The following SHC3 variants were observed in gnomAD, a reference collection of about 807,000 sequenced individuals.
SHC3 encodes SHC-transforming protein 3.
Under a neutral mutation model 60.4 loss-of-function variants are expected in SHC3, and 15 were observed. That is an observed-to-expected ratio of 0.25 (90% CI 0.17 to 0.38). The LOEUF is 0.38. SHC3 is among the 10% of genes least tolerant of loss of function. SHC3 has a pLI of 1.00. For synonymous variants in SHC3, 294 were observed against 325.9 expected, an observed-to-expected ratio of 0.90 and a Z score of 1.05; for missense variants, 677 against 786.1, an observed-to-expected ratio of 0.86 and a Z score of 1.66.
chr9:89,059,525 GAGGACAGTGGTGT>G, intron 6 of SHC3, among the ~76,000 whole-genome samples: 1 of 150,056 alleles, frequency 6.7e-6, no homozygotes, highest in East Asian at 2.0e-4. Context: ...GGATGTGGTG[GAGGACAGTGGTGT>G]AGGATGTGGT....
intron 2 of SHC3, among the ~76,000 whole-genome samples, chr9:89,111,792 G>A: frequency 6.6e-6 from 1 of 152,190 alleles, no homozygotes; most frequent in East Asian, 1.9e-4. Flanking sequence ...GTAAATATGA[G>A]GCATTTTTCT....
intron 1 of SHC3, among the ~76,000 whole-genome samples, chr9:89,163,227 A>G (rs1826736731): frequency 6.6e-6 from 1 of 152,052 alleles, no homozygotes; most frequent in South Asian, 2.1e-4. Flanking sequence ...CATTTGACCC[A>G]GCCATCCCAT....
In SHC3 at chr9:89,010,319, CGGTT is replaced by C. The variant is rs1825998855; in HGVS notation, c.*3124_*3127del. 2.0e-5 allele frequency: 3 copies of C among 152,270 alleles called. No individual in the cohort carries two copies. The South Asian group carries it at 6.2e-4, about 32-fold the overall frequency. The allele number at this position is 152,270 out of a possible 1,614,324, so 9.4% of individuals were successfully genotyped here. A position where few individuals can be genotyped will look rare whatever the true frequency, so the allele number is the denominator to read the frequency against. On this transcript the variant is annotated 3_prime_UTR_variant, in exon 12 of 12. Coordinates refer to ENST00000375835, the MANE Select transcript of SHC3 (RefSeq NM_016848.6). ...TTTTTCACCTCCCCACCCGATTCTC[CGGTT>C]AGCTACTCAGAGGCAGCCTTGGAGG...
Position 89,077,760 on chromosome 9 carries a change from C to T in SHC3, c.609+80G>A, listed in dbSNP as rs540246828. ...CACAGAAAGAGGACAATGAATAATTCTGTGTGACTGAAGATACCGAGTGGC... is the reference window on the plus strand; with the variant it reads ...CACAGAAAGAGGACAATGAATAATTTTGTGTGACTGAAGATACCGAGTGGC... On this transcript the variant is annotated intron_variant, in intron 3 of 11. Coordinates refer to ENST00000375835, the MANE Select transcript of SHC3 (RefSeq NM_016848.6). 67 of 1,519,654 alleles carry T rather than the reference C, an allele frequency of 4.4e-5. No individual in the cohort carries two copies. The South Asian group carries it at 5.9e-4, about 13-fold the overall frequency. The allele number at this position is 1,519,654 out of a possible 1,614,324, so 94.1% of individuals were successfully genotyped here.
chr9:89,142,795 T>C, intron 1 of SHC3, among the ~76,000 whole-genome samples: 1 of 152,058 alleles, frequency 6.6e-6, no homozygotes, highest in South Asian at 2.1e-4. Context: ...TGCACACCAC[T>C]TGCCCAAAGT....
In SHC3 at chr9:89,178,079, G is replaced by A; in HGVS notation, c.382C>T (p.Arg128Trp). The A allele has an allele frequency of 8.4e-7, 1 of 1,192,910 alleles. No individual in the cohort carries two copies. Among genetic ancestry groups the A allele is most frequent in the Non-Finnish European group, 1.0e-6 (1 of 963,282 alleles). The allele number at this position is 1,192,910 out of a possible 1,614,324, so 73.9% of individuals were successfully genotyped here. A position where few individuals can be genotyped will look rare whatever the true frequency, so the allele number is the denominator to read the frequency against. The change falls in exon 1 of 12, where the codon CGG becomes TGG. Residue 128 changes from arginine (R) to tryptophan (W), a missense_variant. Physicochemically the swap from Arg to Trp is moderately radical, Grantham distance 101 (BLOSUM62 -3). Transcript: ENST00000375835. The surrounding 1 kb of genome is among the most constrained non-coding windows in gnomAD (Gnocchi z 6.9). ...CTGGGCAGCGGCTCGTCGCCGGGCC[G>A]GCCCTTCCTGGCGGCGCTCATGGCC... ...APAMSAARKG[R>W]PGDEPLPRPP...
At chr9:89,114,433 T>G (rs1170931075) in intron 1 of SHC3, among the ~76,000 whole-genome samples, 2 of 149,880 alleles carry the variant, frequency 1.3e-5, no homozygotes, top group African/African-American at 4.9e-5. Flanking sequence ...GGATTGAAAA[T>G]AGAAAAAAAA....
At chr9:89,028,728 T>C (rs939016259) in intron 11 of SHC3, among the ~76,000 whole-genome samples, 6 of 144,570 alleles carry the variant, frequency 4.2e-5, no homozygotes, top group Admixed American at 1.4e-4. Flanking sequence ...ATAGAGAATA[T>C]ATATTCTCTA....
At chr9:89,035,867 GTGTGT>G (rs1824570685) in intron 11 of SHC3, among the ~76,000 whole-genome samples, 1 of 125,392 alleles carries the variant, frequency 8.0e-6, no homozygotes, top group Non-Finnish European at 1.8e-5. Context: ...GTGTGTGTGT[GTGTGT>G]GTGTGTGTGT....
chr9:89,154,558 T>C (rs990078817), intron 1 of SHC3, among the ~76,000 whole-genome samples: 15 of 152,236 alleles, frequency 9.9e-5, no homozygotes, highest in African/African-American at 3.6e-4. Flanking sequence ...ATACATTACA[T>C]CAGGCAAGAA....
intron 5 of SHC3, among the ~76,000 whole-genome samples, chr9:89,070,800 T>C (rs576348502): frequency 6.6e-6 from 1 of 152,246 alleles, no homozygotes; most frequent in Non-Finnish European, 1.5e-5. Context: ...TAAAGCAGAC[T>C]AAGAAAATTC....
At chr9:89,031,887 A>G (rs1252857715) in intron 11 of SHC3, among the ~76,000 whole-genome samples, 4 of 152,198 alleles carry the variant, frequency 2.6e-5, no homozygotes, top group Non-Finnish European at 5.9e-5. Context: ...AGCATTTCTC[A>G]GCTTCCTTGG....
chr9:89,048,571 C>T (rs570850767), intron 7 of SHC3, among the ~76,000 whole-genome samples: 3 of 152,116 alleles, frequency 2.0e-5, no homozygotes, highest in East Asian at 1.9e-4. Flanking sequence ...GTAATGAAAA[C>T]GTTCTGGAAT....
At chr9:89,053,933 C>G (rs13298779) in intron 6 of SHC3, among the ~76,000 whole-genome samples, 1 of 152,136 alleles carries the variant, frequency 6.6e-6, no homozygotes, top group African/African-American at 2.4e-5. Flanking sequence ...CCACGCCCCT[C>G]CCGGCCCTGC....
intron 2 of SHC3, chr9:89,110,557 A>G: frequency 2.7e-6 from 2 of 732,840 alleles, no homozygotes; most frequent in Non-Finnish European, 3.3e-6. Flanking sequence ...AACTGGATGC[A>G]AAGTGCTTCA....
At chr9:89,065,054 C>T (rs1230378295) in intron 6 of SHC3, among the ~76,000 whole-genome samples, 1 of 152,118 alleles carries the variant, frequency 6.6e-6, no homozygotes, top group Non-Finnish European at 1.5e-5. Flanking sequence ...AAATGACTCC[C>T]CCCATCCAGC....
chr9:89,026,060 A>G (rs544325455), intron 11 of SHC3, among the ~76,000 whole-genome samples: 116 of 152,282 alleles, frequency 7.6e-4, no homozygotes, highest in African/African-American at 2.6e-3. Flanking sequence ...CCTGGCCAAC[A>G]TGGTGAAACC....
intron 2 of SHC3, among the ~76,000 whole-genome samples, chr9:89,078,333 T>G (rs1825394031): frequency 6.6e-6 from 1 of 152,182 alleles, no homozygotes; most frequent in South Asian, 2.1e-4. Context: ...AGATCCTTCT[T>G]AAGTGAGTTA....
At chr9:89,141,286 A>G (rs186503543) in intron 1 of SHC3, among the ~76,000 whole-genome samples, 1 of 152,352 alleles carries the variant, frequency 6.6e-6, no homozygotes, top group African/African-American at 2.4e-5. Flanking sequence ...TGTCTTGAAC[A>G]GCGAGCTTGT....
Sources: gnomAD v4.1 joint callset for allele counts (sites outside exome capture counted in the v4.1 genomes callset) on GRCh38, gnomAD v4.1.1 for gene constraint, Gnocchi (gnomAD v3.1) non-coding constraint, MANE v1.5 for transcripts, NCBI Gene and HGNC (gene_info 2026-07-23, HGNC 2026-07-21) for gene names.